RGP1: variants seen among roughly 807,000 people sequenced by gnomAD.
RGP1 encodes the protein RGP1 partner of RAB6A GEF complex, also known as RAB6A-GEF complex partner protein 2.
In RGP1, 28 loss-of-function variants were observed where a neutral mutation model predicts 44.5. The observed-to-expected ratio is 0.63, with a 90% confidence interval of 0.47 to 0.86. RGP1 has a LOEUF of 0.86. Ranked by LOEUF, RGP1 falls within the 40% of genes least tolerant of loss-of-function variation. The pLI, the probability that RGP1 is intolerant of heterozygous loss-of-function variation, is 0.00. For missense variants in RGP1, 417 were observed against 490.7 expected (o/e 0.85, Z 1.42); for synonymous variants, 212 against 196.7 (o/e 1.08, Z -0.65).
chr9:35,770,804 C>T, the RGP1 span, among the ~76,000 whole-genome samples: 1 of 152,240 alleles, frequency 6.6e-6, no homozygotes, highest in African/African-American at 2.4e-5. Flanking sequence ...GAGGAGCACA[C>T]CTGGAGCTCC....
the RGP1 span, among the ~76,000 whole-genome samples, chr9:35,787,238 C>CT: frequency 2.9e-4 from 40 of 138,454 alleles, no homozygotes; most frequent in East Asian, 5.7e-3. Context: ...CCGCTGCCCC[C>CT]TTTTTTTTTG....
In RGP1 at chr9:35,749,853, C is replaced by G; in HGVS notation, c.98C>G (p.Thr33Arg). 1 of 1,612,636 alleles carries G rather than the reference C, an allele frequency of 6.2e-7. No homozygotes were observed. The highest frequency in any genetic ancestry group is 8.5e-7 in the Non-Finnish European group (1 of 1,179,036). The change falls in exon 2 of 9, where the codon ACG (threonine) becomes AGG (arginine). Residue 33 changes from threonine (T) to arginine (R), a missense_variant. Physicochemically the swap from Thr to Arg is moderately conservative, Grantham distance 71. Coordinates refer to ENST00000378078, the MANE Select transcript of RGP1 (RefSeq NM_001080496.3). This position sits in a 1 kb window ranked among gnomAD's most constrained non-coding sequence, Gnocchi z 4.4. ...VVTVTNPLPP[T>R]ATSASSEALA... ...ACCGTCACCAACCCCCTTCCGCCCA[C>G]GGCCACTTCTGCATCCAGGTGGGGA...
chr9:35,754,027 A>G lies in RGP1; in HGVS notation c.*1153A>G, dbSNP rs1827319904. On this transcript the variant is annotated 3_prime_UTR_variant, in exon 9 of 9. Coordinates refer to ENST00000378078, the MANE Select transcript of RGP1 (RefSeq NM_001080496.3). Reference sequence around the variant, plus strand: ...TGAGCTTGGAAGTAGCACTTGCTGTAGACTCCTGGGTGCTGGAGGAGTAGA... The same window carrying G: ...TGAGCTTGGAAGTAGCACTTGCTGTGGACTCCTGGGTGCTGGAGGAGTAGA... 8 of 1,613,596 alleles carry G rather than the reference A, an allele frequency of 5.0e-6. No homozygotes were observed. Among genetic ancestry groups the G allele is most frequent in the Non-Finnish European group, 6.8e-6 (8 of 1,179,788 alleles).
downstream of RGP1, among the ~76,000 whole-genome samples, chr9:35,762,045 T>C (rs1206514752): frequency 6.6e-6 from 1 of 152,004 alleles, no homozygotes; most frequent in Non-Finnish European, 1.5e-5. Context: ...TCATCCCAGC[T>C]GAGGCAGGAG....
the RGP1 span, among the ~76,000 whole-genome samples, chr9:35,775,712 A>G: frequency 1.2e-4 from 19 of 152,284 alleles, no homozygotes; most frequent in Non-Finnish European, 2.5e-4. Context: ...TTCTTATTAG[A>G]CTTTTCAATG....
Position 35,749,779 on chromosome 9 carries a change from C to T in RGP1, c.24C>T (p.Leu8=), listed in dbSNP as rs1827200369. The T allele has an allele frequency of 1.2e-6, 2 of 1,613,746 alleles. No individual in the cohort carries two copies. Among genetic ancestry groups the T allele is most frequent in the South Asian group, 1.1e-5 (1 of 91,052 alleles). ...CCATGATTGAAGTGGTAGCAGAGCT[C>T]AGCCGGGGTCCTGTATTTTTGGCTG... MIEVVAE[L]SRGPVFLAGE... is the part of the protein sequence containing the mutation. Residue 8 remains leucine (L), a synonymous_variant, in exon 2 of 9, where the codon CTC becomes CTT. Transcript: ENST00000378078. This position sits in a 1 kb window ranked among gnomAD's most constrained non-coding sequence, Gnocchi z 4.4.
At chr9:35,750,807 C>T (rs1827244034) in intron 4 of RGP1, 33 bp from the exon 5 acceptor site, 1 of 1,613,814 alleles carries the variant, frequency 6.2e-7, no homozygotes, top group African/African-American at 1.3e-5. Flanking sequence ...CCTCTGGTGC[C>T]TCTGGCTGTC....
the RGP1 span, among the ~76,000 whole-genome samples, chr9:35,778,376 C>G: frequency 6.6e-6 from 1 of 152,124 alleles, no homozygotes; most frequent in African/African-American, 2.4e-5. Context: ...ACCTTGTTCC[C>G]CTTCAGGGAG....
intron 6 of RGP1, 80 bp downstream of exon 6, chr9:35,751,492 A>G: frequency 6.2e-7 from 1 of 1,600,484 alleles, no homozygotes; most frequent in Non-Finnish European, 8.5e-7. Context: ...CCTAACCACC[A>G]CACACTTCTG....
the RGP1 span, chr9:35,790,154 A>G: frequency 0.3 from 44,472 of 149,720 alleles, 8,145 homozygotes; most frequent in African/African-American, 0.52. Context: ...TGCCTTGGCC[A>G]GATAGGACAA....
the RGP1 span, among the ~76,000 whole-genome samples, chr9:35,784,347 T>A: frequency 6.6e-6 from 1 of 152,250 alleles, no homozygotes; most frequent in African/African-American, 2.4e-5. Flanking sequence ...TCATGAAGGG[T>A]TTTTCCTGAA....
the RGP1 span, among the ~76,000 whole-genome samples, chr9:35,774,448 C>T: frequency 6.6e-6 from 1 of 152,210 alleles, no homozygotes; most frequent in Non-Finnish European, 1.5e-5. Flanking sequence ...AAGTACTTGG[C>T]CGGGCGCGGT....
chr9:35,776,122 G>T, the RGP1 span, among the ~76,000 whole-genome samples: 1 of 152,094 alleles, frequency 6.6e-6, no homozygotes, highest in African/African-American at 2.4e-5. Context: ...AGTAGTGGGA[G>T]GTGTTCTTAG....
At chr9:35,771,865 C>T in the RGP1 span, among the ~76,000 whole-genome samples, 1 of 152,250 alleles carries the variant, frequency 6.6e-6, no homozygotes, top group Admixed American at 6.5e-5. Context: ...TAGTTTCTTC[C>T]TTCCTTCCCC....
chr9:35,770,952 T>A, the RGP1 span, among the ~76,000 whole-genome samples: 1 of 152,228 alleles, frequency 6.6e-6, no homozygotes, highest in African/African-American at 2.4e-5. Flanking sequence ...ATCTTCAGGG[T>A]AAACCTTTAA....
Position 35,755,007 on chromosome 9 carries a change from A to T in RGP1, c.*2133A>T, listed in dbSNP as rs1827336907. 6.6e-6 allele frequency: 1 copy of T among 152,036 alleles called. No homozygotes were observed. The highest frequency in any genetic ancestry group is 1.5e-5 in the Non-Finnish European group (1 of 67,984). 9.4% of individuals were successfully genotyped at this position (152,036 alleles called of 1,614,324 possible). A position where few individuals can be genotyped will look rare whatever the true frequency, so the allele number is the denominator to read the frequency against. On this transcript the variant is annotated 3_prime_UTR_variant, in exon 9 of 9. Transcript: ENST00000378078. ...AGAGGTGTCCTCTCTTTCCTCCCAT[A>T]TATAATGGAGTGAGGTTTTTAGGAA... is the stretch of plus-strand genomic sequence containing the variant.
chr9:35,773,443 C>G, the RGP1 span, among the ~76,000 whole-genome samples: 2 of 151,564 alleles, frequency 1.3e-5, no homozygotes, highest in South Asian at 2.1e-4. Flanking sequence ...AATTCTAACA[C>G]ATACTATTCC....
At chr9:35,782,679 C>T in the RGP1 span, among the ~76,000 whole-genome samples, 1 of 152,126 alleles carries the variant, frequency 6.6e-6, no homozygotes, top group Non-Finnish European at 1.5e-5. Flanking sequence ...CTCCTGACCT[C>T]AGGTGATCCA....
At chr9:35,763,881 CAAAAAAAA>C in the RGP1 span, among the ~76,000 whole-genome samples, 3 of 81,988 alleles carry the variant, frequency 3.7e-5, no homozygotes, top group Admixed American at 1.6e-4. Context: ...GACTCCATCT[CAAAAAAAA>C]AAAAAAAAAA....
Sources: gnomAD v4.1 joint callset for allele counts (sites outside exome capture counted in the v4.1 genomes callset) on GRCh38, gnomAD v4.1.1 for gene constraint, Gnocchi (gnomAD v3.1) non-coding constraint, MANE v1.5 for transcripts, NCBI Gene and HGNC (gene_info 2026-07-23, HGNC 2026-07-21) for gene names.